Variants in SLC25A33 observed in about 807,000 individuals in gnomAD.
SLC25A33 encodes solute carrier family 25 member 33.
Under a neutral mutation model 35.5 loss-of-function variants are expected in SLC25A33, and 15 were observed. That is an observed-to-expected ratio of 0.42 (90% CI 0.28 to 0.65). The LOEUF (loss-of-function observed/expected upper bound fraction) is 0.65. Among genes scored for constraint, SLC25A33 ranks in the 30% least tolerant of loss-of-function variants. SLC25A33 has a pLI of 0.20. For missense variants in SLC25A33, 257 were observed against 398.5 expected (o/e 0.64, Z 3.02); for synonymous variants, 136 against 148.7 (o/e 0.91, Z 0.62).
At chr1:9,555,398 G>A (rs1235062859) in intron 2 of SLC25A33, among the ~76,000 whole-genome samples, 2 of 152,042 alleles carry the variant, frequency 1.3e-5, no homozygotes, top group East Asian at 1.9e-4. Context: ...GATTACAGGC[G>A]TGAGCCACCG....
At chr1:9,550,021 T>A (rs1156515109) in intron 1 of SLC25A33, among the ~76,000 whole-genome samples, 1,143 of 102,736 alleles carry the variant, frequency 0.011, 47 homozygotes, top group African/African-American at 0.047. Flanking sequence ...ATTTTTTTTT[T>A]TTTTTTTTTT....
Position 9,582,521 on chromosome 1 carries a change from C to G in SLC25A33, c.*20C>G. On this transcript the variant is annotated 3_prime_UTR_variant, in exon 7 of 7. Transcript: ENST00000302692. This position sits in a 1 kb window ranked among gnomAD's most constrained non-coding sequence, Gnocchi z 4.0. ...CAGTAACAGGCCGGAAAATTGTGCT[C>G]TAGAAGAATAAAACTGAAAAACTCT... The G allele has an allele frequency of 1.3e-6, 2 of 1,588,764 alleles. No individual in the cohort carries two copies. The highest frequency in any genetic ancestry group is 8.6e-7 in the Non-Finnish European group (1 of 1,165,256).
chr1:9,564,739 A>ATATATATATATATATAT (rs1211262069), intron 2 of SLC25A33, among the ~76,000 whole-genome samples: 38 of 96,500 alleles, frequency 3.9e-4, no homozygotes, highest in Non-Finnish European at 6.2e-4. Flanking sequence ...AAAAAAAAAA[A>ATATATATATATATATAT]ATATATATAT....
intron 6 of SLC25A33, among the ~76,000 whole-genome samples, chr1:9,580,578 C>T (rs555748093): frequency 1.8e-4 from 27 of 152,246 alleles, no homozygotes; most frequent in African/African-American, 6.5e-4. Context: ...TCAGCCTCGG[C>T]GGGGCACGGT....
intron 4 of SLC25A33, among the ~76,000 whole-genome samples, chr1:9,572,455 CAA>C (rs60892593): frequency 2.7e-4 from 39 of 143,964 alleles, no homozygotes; most frequent in African/African-American, 7.3e-4. Flanking sequence ...ACTAAAAATA[CAA>C]AAAAAAAAAA....
At position 9,582,898 on chromosome 1, in the gene SLC25A33, CTT is replaced by C. The variant is rs1643764784; in HGVS notation, c.*399_*400del. ...GAATACAACTTGTTTTATAATCTGACTTTAAGATCTTGCACTGCTAGACAGGG... is the reference window on the plus strand; with the variant it reads ...GAATACAACTTGTTTTATAATCTGACTAAGATCTTGCACTGCTAGACAGGG... On this transcript the variant is annotated 3_prime_UTR_variant, in exon 7 of 7. Transcript: ENST00000302692. The surrounding 1 kb of genome is among the most constrained non-coding windows in gnomAD (Gnocchi z 4.0). 1 of 184,064 alleles carries C rather than the reference CTT, an allele frequency of 5.4e-6. No homozygotes were observed. The highest frequency in any genetic ancestry group is 2.4e-5 in the African/African-American group (1 of 41,758). The allele number at this position is 184,064 out of a possible 1,614,324, so 11.4% of individuals were successfully genotyped here.
At chr1:9,573,440 T>C in intron 5 of SLC25A33, 28 bp downstream of exon 5, 3 of 1,591,994 alleles carry the variant, frequency 1.9e-6, no homozygotes, top group Non-Finnish European at 2.6e-6. Context: ...CCTTCCTTAA[T>C]GAAAGGATTT....
chr1:9,573,516 C>A lies in SLC25A33; in HGVS notation c.482+104C>A, dbSNP rs895293141. The A allele has an allele frequency of 1.2e-5, 11 of 911,744 alleles. No individual in the cohort carries two copies. In the African/African-American group the frequency reaches 1.9e-4, roughly 15 times the overall value. The allele number at this position is 911,744 out of a possible 1,614,324, so 56.5% of individuals were successfully genotyped here. A position where few individuals can be genotyped will look rare whatever the true frequency, so the allele number is the denominator to read the frequency against. On this transcript the variant is annotated intron_variant, in intron 5 of 6. Transcript: ENST00000302692. Reference sequence around the variant, plus strand: ...AAGGATGAGATATAGAGATGTACCCCCCTCCTCGTTTCCTTAATCTAAGTG... The same window carrying A: ...AAGGATGAGATATAGAGATGTACCCACCTCCTCGTTTCCTTAATCTAAGTG...
chr1:9,582,103 G>A lies in SLC25A33; in HGVS notation c.764-196G>A, dbSNP rs113815751. Among the ~76,000 whole-genome samples, 5,287 of 152,036 alleles carry A rather than the reference G, an allele frequency of 0.035. 292 individuals are homozygous for A. The highest frequency in any genetic ancestry group is 0.12 in the African/African-American group (4,864 of 41,414). On this transcript the variant is annotated intron_variant, in intron 6 of 6. Transcript: ENST00000302692. This position sits in a 1 kb window ranked among gnomAD's most constrained non-coding sequence, Gnocchi z 4.0. ...CTAATTTTTGTTTTTCAGTAGAGACGGGGTTTCACCATGTTGGCCAGGCTG... is the reference window on the plus strand; with the variant it reads ...CTAATTTTTGTTTTTCAGTAGAGACAGGGTTTCACCATGTTGGCCAGGCTG...
At chr1:9,557,386 C>G (rs567303377) in intron 2 of SLC25A33, among the ~76,000 whole-genome samples, 54 of 152,168 alleles carry the variant, frequency 3.5e-4, no homozygotes, top group Non-Finnish European at 7.2e-4. Context: ...ATTTCCTCAG[C>G]TTTATTATAT....
At chr1:9,569,227 A>T (rs1437972154) in intron 3 of SLC25A33, among the ~76,000 whole-genome samples, 1 of 151,698 alleles carries the variant, frequency 6.6e-6, no homozygotes, top group African/African-American at 2.4e-5. Context: ...CCTGGGTGAC[A>T]GAGCGAGAAC....
intron 3 of SLC25A33, among the ~76,000 whole-genome samples, chr1:9,567,725 G>A (rs1219314723): frequency 3.3e-5 from 5 of 152,160 alleles, no homozygotes; most frequent in African/African-American, 1.2e-4. Flanking sequence ...ATCAGAATCT[G>A]CATTTTAACA....
chr1:9,545,564 A>T (rs904734749), intron 1 of SLC25A33, among the ~76,000 whole-genome samples: 1 of 148,090 alleles, frequency 6.8e-6, no homozygotes, highest in Admixed American at 6.7e-5. Context: ...CGCCTGGCTA[A>T]TTTTTTTTTT....
intron 2 of SLC25A33, among the ~76,000 whole-genome samples, chr1:9,564,765 T>C (rs9430151): frequency 0.081 from 9,215 of 114,376 alleles, 524 homozygotes; most frequent in African/African-American, 0.12. Flanking sequence ...TATATATATA[T>C]ACACAAAAAT....
At chr1:9,562,296 C>T (rs1156939128) in intron 2 of SLC25A33, among the ~76,000 whole-genome samples, 14 of 146,198 alleles carry the variant, frequency 9.6e-5, no homozygotes, top group Admixed American at 9.2e-4. Context: ...TGCAGTGAGC[C>T]GAGATGCAGC....
chr1:9,550,220 CCTT>C (rs1462899593), intron 1 of SLC25A33, among the ~76,000 whole-genome samples: 2 of 147,522 alleles, frequency 1.4e-5, no homozygotes, highest in African/African-American at 5.0e-5. Flanking sequence ...CAGAGGAAGA[CCTT>C]CTCTCTTTAA....
At chr1:9,565,868 ACT>A (rs1643495112) in intron 2 of SLC25A33, among the ~76,000 whole-genome samples, 1 of 148,744 alleles carries the variant, frequency 6.7e-6, no homozygotes, top group South Asian at 2.1e-4. Context: ...ACAGAGTGAG[ACT>A]CTGTCTCAAA....
rs1298620027 is a variant in SLC25A33, at chr1:9,570,319, A to G, written c.376A>G (p.Asn126Asp). The G allele has an allele frequency of 2.5e-6, 4 of 1,614,010 alleles. No individual in the cohort carries two copies. Among genetic ancestry groups the G allele is most frequent in the African/African-American group, 1.3e-5 (1 of 74,914 alleles). ...GCAATTTAATGGCATTTTCGTGCCT[A>G]ACAGCAATATTGTGCATATTTTCTC... ...KEQFNGIFVP[N>D]SNIVHIFSAG... The change falls in exon 4 of 7, where the codon AAC becomes GAC. Residue 126 changes from asparagine to aspartate, a missense_variant. Transcript: ENST00000302692.
At chr1:9,553,148 TC>T (rs36007211) in intron 1 of SLC25A33, among the ~76,000 whole-genome samples, 21,571 of 131,404 alleles carry the variant, frequency 0.16, 1,745 homozygotes, top group East Asian at 0.3. Flanking sequence ...TGCCTCGGCC[TC>T]CCAAAGTGCT....
Sources: gnomAD v4.1 joint callset for allele counts (sites outside exome capture counted in the v4.1 genomes callset) on GRCh38, gnomAD v4.1.1 for gene constraint, Gnocchi (gnomAD v3.1) non-coding constraint, MANE v1.5 for transcripts, NCBI Gene and HGNC (gene_info 2026-07-23, HGNC 2026-07-21) for gene names.